NR6A1: variants seen among roughly 807,000 people sequenced by gnomAD.
NR6A1 encodes retinoic acid receptor-related testis-associated receptor.
NR6A1 carries 7 observed loss-of-function variants against 59.1 expected under a neutral mutation model. The ratio of observed to expected loss-of-function variants is 0.12; its 90% CI spans 0.07 to 0.22. The LOEUF is 0.22. Ranked by LOEUF, NR6A1 falls within the 10% of genes least tolerant of loss-of-function variation. The pLI is 1.00. For missense variants in NR6A1, 468 were observed against 611.6 expected (o/e 0.77, Z 2.48); for synonymous variants, 243 against 236.1 (o/e 1.03, Z -0.27).
Position 124,634,304 on chromosome 9 carries a change from A to G in NR6A1, c.143-79734T>C, listed in dbSNP as rs141459353. Among the ~76,000 whole-genome samples the G allele has an allele frequency of 2.7e-3, 406 of 152,362 alleles. 3 individuals are homozygous for G. The highest frequency in any genetic ancestry group is 8.6e-3 in the African/African-American group (356 of 41,592). On this transcript the variant is annotated intron_variant, in intron 2 of 9. Transcript: ENST00000487099. ...AGTTTAACATTAGTCTTCTTTGGATAGTGAAACTATATGTGATTTAAGAAA... is the reference window on the plus strand; with the variant it reads ...AGTTTAACATTAGTCTTCTTTGGATGGTGAAACTATATGTGATTTAAGAAA...
At chr9:124,691,232 T>C (rs1263638159) in intron 2 of NR6A1, among the ~76,000 whole-genome samples, 1 of 152,242 alleles carries the variant, frequency 6.6e-6, no homozygotes, top group African/African-American at 2.4e-5. Flanking sequence ...AGCTGGCTAA[T>C]GCAGAGTTTT....
intron 2 of NR6A1, among the ~76,000 whole-genome samples, chr9:124,719,075 A>T (rs1217214748): frequency 6.6e-6 from 1 of 152,010 alleles, no homozygotes; most frequent in East Asian, 1.9e-4. Flanking sequence ...TCCTAGACGT[A>T]TGAATTGTTC....
chr9:124,526,318 T>G (rs563601832), intron 8 of NR6A1, among the ~76,000 whole-genome samples: 2 of 147,532 alleles, frequency 1.4e-5, no homozygotes, highest in South Asian at 2.3e-4. Context: ...GTGTGTGTGT[T>G]TGTGCACCCC....
At chr9:124,605,761 G>A (rs1835560779) in intron 2 of NR6A1, among the ~76,000 whole-genome samples, 1 of 152,188 alleles carries the variant, frequency 6.6e-6, no homozygotes, top group Admixed American at 6.5e-5. Context: ...GATGATGGTT[G>A]TTGAGGCTGG....
intron 2 of NR6A1, among the ~76,000 whole-genome samples, chr9:124,591,930 C>T (rs1835135676): frequency 6.6e-6 from 1 of 152,050 alleles, no homozygotes; most frequent in African/African-American, 2.4e-5. Flanking sequence ...TTTTCAATTG[C>T]CCAAGCAAAC....
chr9:124,711,912 A>G (rs770257456), intron 2 of NR6A1, among the ~76,000 whole-genome samples: 6 of 152,184 alleles, frequency 3.9e-5, no homozygotes, highest in Non-Finnish European at 8.8e-5. Context: ...TAGGCCCCAT[A>G]TATTTTTAGA....
chr9:124,753,112 T>G (rs1840551460), intron 1 of NR6A1, among the ~76,000 whole-genome samples: 4 of 152,202 alleles, frequency 2.6e-5, no homozygotes, highest in Non-Finnish European at 5.9e-5. Context: ...CTGGATGATT[T>G]TAAATGGTAC....
At chr9:124,717,745 G>T (rs1484874411) in intron 2 of NR6A1, among the ~76,000 whole-genome samples, 2 of 152,152 alleles carry the variant, frequency 1.3e-5, no homozygotes, top group Admixed American at 6.5e-5. Context: ...TAAGGACATG[G>T]ACTTTGGGAT....
chr9:124,599,652 G>T (rs1835393486), intron 2 of NR6A1: 1 of 1,140,954 alleles, frequency 8.8e-7, no homozygotes, highest in Non-Finnish European at 1.1e-6. Context: ...GCGACTACTC[G>T]TAGCTCCTTC....
rs756776347 is a variant in NR6A1 at position 124,554,597 on chromosome 9, T to C, written c.143-27A>G. Reference sequence around the variant, plus strand: ...TGATCATGTTCAAGTTAGAACACAGTGGAAATAATGGCTTTAAGCCTACAG... The same window carrying C: ...TGATCATGTTCAAGTTAGAACACAGCGGAAATAATGGCTTTAAGCCTACAG... On this transcript the variant is annotated intron_variant, in intron 2 of 9. Coordinates refer to ENST00000487099, the MANE Select transcript of NR6A1 (RefSeq NM_033334.4). 4 of 1,613,612 alleles carry C rather than the reference T, an allele frequency of 2.5e-6. No individual in the cohort carries two copies. In the Admixed American group the frequency reaches 5.0e-5, roughly 20 times the overall value.
intron 2 of NR6A1, among the ~76,000 whole-genome samples, chr9:124,639,953 T>C (rs1367814204): frequency 1.3e-5 from 2 of 152,242 alleles, no homozygotes; most frequent in East Asian, 1.9e-4. Flanking sequence ...CACCCTGTCA[T>C]ACAGGGTAAT....
At chr9:124,660,850 G>T (rs1221024355) in intron 2 of NR6A1, among the ~76,000 whole-genome samples, 1 of 152,034 alleles carries the variant, frequency 6.6e-6, no homozygotes, top group Non-Finnish European at 1.5e-5. Flanking sequence ...ATCCAGAGTT[G>T]ATTAGCTGTA....
intron 6 of NR6A1, among the ~76,000 whole-genome samples, chr9:124,537,189 A>G (rs754332096): frequency 1.9e-4 from 29 of 151,714 alleles, no homozygotes; most frequent in Admixed American, 1.1e-3. Flanking sequence ...TCCTGGGTTC[A>G]AGCAATTCTC....
rs950907317 is a variant in NR6A1, at chr9:124,599,598, G to C, written c.143-45028C>G. The C allele has an allele frequency of 3.7e-5, 43 of 1,162,758 alleles. No homozygotes were observed. The Admixed American group carries it at 9.6e-4, about 26-fold the overall frequency. The allele number at this position is 1,162,758 out of a possible 1,614,324, so 72.0% of individuals were successfully genotyped here. On this transcript the variant is annotated intron_variant, in intron 2 of 9. Coordinates refer to ENST00000487099, the MANE Select transcript of NR6A1 (RefSeq NM_033334.4). Reference sequence around the variant, plus strand: ...GCCGCCATGAGGGCGCGGCGGCGGCGGCCGCTCGGCTGAGTCGGTCGTCGC... The same window carrying C: ...GCCGCCATGAGGGCGCGGCGGCGGCCGCCGCTCGGCTGAGTCGGTCGTCGC...
At chr9:124,640,442 C>T (rs1242851342) in intron 2 of NR6A1, among the ~76,000 whole-genome samples, 1 of 152,090 alleles carries the variant, frequency 6.6e-6, no homozygotes, top group Non-Finnish European at 1.5e-5. Flanking sequence ...TCATGTCACC[C>T]AGGCTAGAAT....
At chr9:124,748,620 G>C (rs922752463) in intron 1 of NR6A1, among the ~76,000 whole-genome samples, 3 of 152,126 alleles carry the variant, frequency 2.0e-5, no homozygotes, top group Non-Finnish European at 2.9e-5. Context: ...CAGCACTTTG[G>C]GAGGCCGAGG....
chr9:124,673,405 C>A (rs1458874625), intron 2 of NR6A1, among the ~76,000 whole-genome samples: 1 of 152,062 alleles, frequency 6.6e-6, no homozygotes, highest in African/African-American at 2.4e-5. Flanking sequence ...AACTTCAACA[C>A]AATACCGCCA....
intron 2 of NR6A1, among the ~76,000 whole-genome samples, chr9:124,695,830 A>C (rs1174484019): frequency 1.3e-5 from 2 of 152,168 alleles, no homozygotes; most frequent in Admixed American, 1.3e-4. Context: ...TCTGACACGT[A>C]CTTTGAAAAA....
At chr9:124,634,001 G>A (rs946060857) in intron 2 of NR6A1, among the ~76,000 whole-genome samples, 3 of 152,208 alleles carry the variant, frequency 2.0e-5, no homozygotes, top group Non-Finnish European at 4.4e-5. Context: ...TTTGGAATAT[G>A]ATGATAGCCT....
Sources: allele counts gnomAD v4.1 joint callset (sites outside exome capture counted in the v4.1 genomes callset), GRCh38; gene constraint gnomAD v4.1.1; transcripts MANE v1.5; gene names NCBI Gene and HGNC (gene_info 2026-07-23, HGNC 2026-07-21).